Variants in IL1RAPL1 observed in about 807,000 individuals in gnomAD.
IL1RAPL1 encodes interleukin-1 receptor accessory protein-like 1.
IL1RAPL1 carries 3 observed loss-of-function variants against 48.4 expected under a neutral mutation model. The observed-to-expected ratio is 0.06, with a 90% CI of 0.03 to 0.16. The LOEUF is 0.16. IL1RAPL1 is among the 10% of genes least tolerant of loss of function. The pLI, the probability that IL1RAPL1 is intolerant of heterozygous loss-of-function variation, is 1.00. For missense variants in IL1RAPL1, 349 were observed against 530.6 expected (o/e 0.66, Z 3.36); for synonymous variants, 185 against 187.7 (o/e 0.99, Z 0.12).
intron 2 of IL1RAPL1, among the ~76,000 whole-genome samples, chrX:28,804,823 G>A (rs779729124): frequency 6.3e-5 from 7 of 111,547 alleles, no homozygotes; most frequent in Admixed American, 1.9e-4. Flanking sequence ...TCTTTGGAGA[G>A]TCATTATTCT....
At position 29,720,840 on chromosome X, in the gene IL1RAPL1, G is replaced by A. The variant is rs1312122549; in HGVS notation, c.778+52336G>A. On this transcript the variant is annotated intron_variant, in intron 6 of 10. Coordinates refer to ENST00000378993, the MANE Select transcript of IL1RAPL1 (RefSeq NM_014271.4). The stretch of plus-strand genomic sequence containing the variant: ...GCGTAACTGTATTTTTAAGTTAGCA[G>A]CAAAAATAGAATTTTGATTTTATGT... Among the ~76,000 whole-genome samples, 3 of 112,240 alleles carry A rather than the reference G, an allele frequency of 2.7e-5. No individual in the cohort carries two copies. The Admixed American group carries it at 2.8e-4, about 11-fold the overall frequency.
chrX:29,375,044 A>G (rs188732677), intron 3 of IL1RAPL1, among the ~76,000 whole-genome samples: 3,704 of 108,769 alleles, frequency 0.034, 153 homozygotes, highest in African/African-American at 0.12. Context: ...GCTCATATCA[A>G]ATGGTAAAGC....
At chrX:29,569,037 T>G (rs890347335) in intron 5 of IL1RAPL1, among the ~76,000 whole-genome samples, 1 of 111,364 alleles carries the variant, frequency 9.0e-6, no homozygotes, top group Admixed American at 9.6e-5. Flanking sequence ...TCTGATGCAA[T>G]TTATGCCCTC....
At chrX:28,637,528 A>G (rs780005779) in intron 1 of IL1RAPL1, among the ~76,000 whole-genome samples, 9 of 111,951 alleles carry the variant, frequency 8.0e-5, no homozygotes, top group Non-Finnish European at 1.5e-4. Context: ...GGCTCTCAGT[A>G]TGAAGCAGGG....
intron 2 of IL1RAPL1, among the ~76,000 whole-genome samples, chrX:29,076,986 G>A (rs1225537557): frequency 8.9e-6 from 1 of 112,363 alleles, no homozygotes; most frequent in African/African-American, 3.2e-5. Flanking sequence ...GCAGCTAAAG[G>A]TCGAGGGCCA....
At chrX:29,645,269 T>G (rs2147087750) in intron 5 of IL1RAPL1, among the ~76,000 whole-genome samples, 1 of 111,683 alleles carries the variant, frequency 9.0e-6, no homozygotes, top group Non-Finnish European at 1.9e-5. Flanking sequence ...TGAACAACTA[T>G]CCATGCATGA....
At chrX:28,863,324 G>A (rs767785026) in intron 2 of IL1RAPL1, among the ~76,000 whole-genome samples, 144 of 107,544 alleles carry the variant, frequency 1.3e-3, no homozygotes, top group Non-Finnish European at 2.4e-3. Context: ...AGCAGTAATA[G>A]ACAATATGTT....
intron 2 of IL1RAPL1, among the ~76,000 whole-genome samples, chrX:29,168,031 A>G (rs1051814585): frequency 9.0e-6 from 1 of 110,847 alleles, no homozygotes; most frequent in South Asian, 3.7e-4. Flanking sequence ...AATTTTTTAA[A>G]AAGTTTTCTA....
intron 2 of IL1RAPL1, among the ~76,000 whole-genome samples, chrX:29,174,628 A>G (rs1929971689): frequency 9.0e-6 from 1 of 111,726 alleles, no homozygotes; most frequent in South Asian, 3.7e-4. Flanking sequence ...GTAAAAACCA[A>G]TGGGGTTTAA....
chrX:29,103,897 A>C (rs1299061843), intron 2 of IL1RAPL1, among the ~76,000 whole-genome samples: 3 of 112,083 alleles, frequency 2.7e-5, no homozygotes, highest in South Asian at 7.4e-4. Context: ...TCATCAGAGA[A>C]ATGCAAATCA....
chrX:28,957,907 T>G (rs762837188), intron 2 of IL1RAPL1, among the ~76,000 whole-genome samples: 5 of 110,360 alleles, frequency 4.5e-5, no homozygotes, highest in African/African-American at 1.6e-4. Context: ...TGCAGTGAGC[T>G]GAGATAGCAC....
chrX:29,669,947 A>G (rs1248883498), intron 6 of IL1RAPL1, among the ~76,000 whole-genome samples: 2 of 111,795 alleles, frequency 1.8e-5, no homozygotes, highest in African/African-American at 3.3e-5. Context: ...TGATCTTTCA[A>G]TAATTCATAG....
At chrX:29,178,533 C>A in intron 2 of IL1RAPL1, among the ~76,000 whole-genome samples, 1 of 111,624 alleles carries the variant, frequency 9.0e-6, no homozygotes, top group East Asian at 2.8e-4. Context: ...AGTTTTCTCC[C>A]ATTCTGTATG....
At chrX:29,089,603 A>G (rs1341932536) in intron 2 of IL1RAPL1, among the ~76,000 whole-genome samples, 2 of 102,080 alleles carry the variant, frequency 2.0e-5, no homozygotes, top group East Asian at 3.1e-4. Flanking sequence ...TTCCTCTTCA[A>G]TCTCTTTGCT....
intron 9 of IL1RAPL1, among the ~76,000 whole-genome samples, chrX:29,946,948 T>C (rs1933223874): frequency 1.8e-5 from 2 of 112,210 alleles, no homozygotes; most frequent in Non-Finnish European, 3.8e-5. Context: ...CCAAGACCCA[T>C]TGTACACAGT....
At chrX:29,035,201 C>G (rs747638742) in intron 2 of IL1RAPL1, among the ~76,000 whole-genome samples, 24 of 111,298 alleles carry the variant, frequency 2.2e-4, no homozygotes, top group African/African-American at 7.5e-4. Flanking sequence ...CCCGCCTCGG[C>G]CTCCCAAAGT....
intron 2 of IL1RAPL1, among the ~76,000 whole-genome samples, chrX:29,230,782 T>G (rs1931189167): frequency 9.0e-6 from 1 of 110,890 alleles, no homozygotes; most frequent in Admixed American, 9.7e-5. Context: ...CAACCACCTA[T>G]TTTATTAGTG....
intron 2 of IL1RAPL1, among the ~76,000 whole-genome samples, chrX:29,215,075 C>A (rs1399926844): frequency 2.7e-5 from 3 of 111,080 alleles, no homozygotes; most frequent in Non-Finnish European, 5.7e-5. Context: ...GGGCCAGGTG[C>A]GGTGGCTCAT....
At chrX:29,951,051 T>C (rs1186059533) in intron 9 of IL1RAPL1, among the ~76,000 whole-genome samples, 2 of 111,454 alleles carry the variant, frequency 1.8e-5, no homozygotes, top group East Asian at 5.7e-4. Flanking sequence ...CTTGCTAAAC[T>C]CTGAACCACA....
Sources: allele counts gnomAD v4.1 joint callset (sites outside exome capture counted in the v4.1 genomes callset), GRCh38; gene constraint gnomAD v4.1.1; transcripts MANE v1.5; gene names NCBI Gene and HGNC (gene_info 2026-07-23, HGNC 2026-07-21).